The following DYDC1 variants were observed in gnomAD, a reference collection of about 807,000 sequenced individuals.
DYDC1 encodes DPY30 domain containing 1.
A neutral mutation model predicts 27.9 loss-of-function variants in DYDC1; 21 were observed. The observed-to-expected ratio is 0.75, with a 90% CI of 0.53 to 1.08. The LOEUF is 1.08. Ranked by LOEUF, DYDC1 falls within the 50% of genes least tolerant of loss-of-function variation. The pLI is 0.00. For missense variants in DYDC1, 202 were observed against 205.9 expected, an observed-to-expected ratio of 0.98 and a Z score of 0.12; for synonymous variants, 67 against 65.8, an observed-to-expected ratio of 1.02 and a Z score of -0.09.
intron 6 of DYDC1, chr10:80,337,532 CT>C (rs1842173974): frequency 1.5e-6 from 1 of 657,544 alleles, no homozygotes; most frequent in African/African-American, 2.0e-5. Flanking sequence ...AAATGTAGCT[CT>C]CATCATATGA....
intron 4 of DYDC1, among the ~76,000 whole-genome samples, chr10:80,339,766 C>T (rs1467526460): frequency 2.0e-5 from 3 of 152,156 alleles, no homozygotes; most frequent in Non-Finnish European, 4.4e-5. Flanking sequence ...TGAGCTGATT[C>T]GTTTTGGCTG....
At chr10:80,338,957 A>T (rs1052572386) in intron 5 of DYDC1, 140 bp downstream of exon 5, 11 of 493,200 alleles carry the variant, frequency 2.2e-5, no homozygotes, top group African/African-American at 1.8e-4. Context: ...GTGACTTGTT[A>T]TCACCGGAAA....
intron 1 of DYDC1, chr10:80,356,215 A>G: frequency 1.0e-6 from 1 of 978,180 alleles, no homozygotes; most frequent in Non-Finnish European, 1.2e-6. Flanking sequence ...GATAATACCC[A>G]TCTCTCCTGT....
At position 80,339,118 on chromosome 10, in the gene DYDC1, A is replaced by C. The variant is rs1292598170; in HGVS notation, c.378T>G (p.Asn126Lys). 7.2e-7 allele frequency: 1 copy of C among 1,390,466 alleles called. No homozygotes were observed. Among genetic ancestry groups the C allele is most frequent in the Non-Finnish European group, 9.7e-7 (1 of 1,030,694 alleles). The allele number at this position is 1,390,466 out of a possible 1,614,324, so 86.1% of individuals were successfully genotyped here. ...TCACCTCTGAATGTAGAATATCTTC[A>C]TTCCTAACTAGATTTTCCATATTCA... ...MRMNMENLVR[N>K]EDILHSEEAT... Residue 126 changes from asparagine to lysine, a missense_variant, in exon 5 of 7, where the codon AAT becomes AAG. Coordinates refer to ENST00000372202, the MANE Select transcript of DYDC1 (RefSeq NM_001269053.2).
rs547603776 is a variant in DYDC1 at position 80,356,262 on chromosome 10, A to G, written c.-10+450T>C. The G allele has an allele frequency of 6.1e-6, 6 of 985,514 alleles. No individual in the cohort carries two copies. The East Asian group carries it at 5.7e-4, about 93-fold the overall frequency. The allele number at this position is 985,514 out of a possible 1,614,324, so 61.0% of individuals were successfully genotyped here. ...TTATTTTTCACATACACCAATAGGC[A>G]TCTTGGCTCAACATAAGAAAGCCCT... On this transcript the variant is annotated intron_variant, in intron 1 of 6. Transcript: ENST00000372202.
chr10:80,346,042 C>T (rs1345701292), intron 3 of DYDC1, among the ~76,000 whole-genome samples: 2 of 152,102 alleles, frequency 1.3e-5, no homozygotes, highest in East Asian at 1.9e-4. Flanking sequence ...GAGATGAGGT[C>T]TCCCTATGTT....
chr10:80,342,313 GC>G lies in DYDC1; in HGVS notation c.297del (p.Arg99SerfsTer14), dbSNP rs751465796. 30 of 1,613,870 alleles carry G rather than the reference GC, an allele frequency of 1.9e-5. No individual in the cohort carries two copies. In the East Asian group the frequency reaches 4.9e-4, roughly 26 times the overall value. On this transcript the variant is annotated frameshift_variant, in exon 4 of 7. Coordinates refer to ENST00000372202, the MANE Select transcript of DYDC1 (RefSeq NM_001269053.2). LOFTEE classifies it high-confidence loss of function. ...QLELEMQEKE[R>X]QRIQELQRAQ... Reference sequence around the variant, plus strand: ...GCTCTCTGTAGTTCTTGTATTCTCTGCCTCTCCTTTTCTTGCATTTCCAACT... The same window carrying G: ...GCTCTCTGTAGTTCTTGTATTCTCTGCTCTCCTTTTCTTGCATTTCCAACT...
chr10:80,355,224 C>T (rs987347430), intron 1 of DYDC1, among the ~76,000 whole-genome samples: 1 of 151,844 alleles, frequency 6.6e-6, no homozygotes, highest in African/African-American at 2.4e-5. Flanking sequence ...TAAACTTGTC[C>T]CTGGACAAAT....
chr10:80,350,079 G>A (rs1025870095), intron 3 of DYDC1, among the ~76,000 whole-genome samples: 12 of 152,086 alleles, frequency 7.9e-5, no homozygotes, highest in Non-Finnish European at 1.5e-4. Flanking sequence ...ACTCTCTCAA[G>A]CCTTTCTCTG....
chr10:80,339,427 A>C (rs913992402), intron 4 of DYDC1, among the ~76,000 whole-genome samples: 1 of 152,228 alleles, frequency 6.6e-6, no homozygotes, highest in African/African-American at 2.4e-5. Flanking sequence ...ACTGAAGCCA[A>C]ATTATCTGCC....
intron 4 of DYDC1, among the ~76,000 whole-genome samples, chr10:80,340,151 C>T (rs976744263): frequency 7.9e-5 from 12 of 152,196 alleles, no homozygotes; most frequent in Non-Finnish European, 1.6e-4. Context: ...AACCAGGGAG[C>T]AGCAGAGGGG....
At chr10:80,338,659 T>C in intron 5 of DYDC1, 88 bp from the exon 6 acceptor site, 2 of 1,302,548 alleles carry the variant, frequency 1.5e-6, no homozygotes, top group Non-Finnish European at 2.0e-6. Context: ...AATTTTCTGA[T>C]TTATAACATT....
chr10:80,342,305 T>TATGCTCTGCCTCTCCTTTTCTTGC lies in DYDC1; in HGVS notation c.305_306insGCAAGAAAAGGAGAGGCAGAGCAT (p.Arg101_Ile102insMetGlnGluLysGluArgGlnSer), dbSNP rs781656806. ...GTTCTTGAGCTCTCTGTAGTTCTTG[T>TATGCTCTGCCTCTCCTTTTCTTGC]ATTCTCTGCCTCTCCTTTTCTTGCA... On this transcript the variant is annotated inframe_insertion, in exon 4 of 7. Coordinates refer to ENST00000372202, the MANE Select transcript of DYDC1 (RefSeq NM_001269053.2). The TATGCTCTGCCTCTCCTTTTCTTGC allele has an allele frequency of 5.3e-5, 86 of 1,613,892 alleles. No individual in the cohort carries two copies. Among genetic ancestry groups the TATGCTCTGCCTCTCCTTTTCTTGC allele is most frequent in the Non-Finnish European group, 5.4e-5 (64 of 1,180,014 alleles).
At chr10:80,354,486 CAA>C (rs1012219418) in intron 1 of DYDC1, 15 of 69,282 alleles carry the variant, frequency 2.2e-4, no homozygotes, top group Middle Eastern at 7.5e-3. Flanking sequence ...AACTTCGTCT[CAA>C]AAAAAAAAAA....
rs1012251335 is a variant in DYDC1 at position 80,352,003 on chromosome 10, C to G, written c.148-1G>C. The G allele has an allele frequency of 1.1e-5, 18 of 1,613,512 alleles. No individual in the cohort carries two copies. The highest frequency in any genetic ancestry group is 1.5e-5 in the Non-Finnish European group (18 of 1,179,868). The stretch of plus-strand genomic sequence containing the variant: ...CCAGCTTGGCCATTTCCTTTTGTCT[C>G]TAGCATTGTTTAAAAACAACAGCAC... On this transcript the variant is annotated splice_acceptor_variant, in intron 2 of 6. Coordinates refer to ENST00000372202, the MANE Select transcript of DYDC1 (RefSeq NM_001269053.2). LOFTEE classifies it high-confidence loss of function.
At chr10:80,339,063 T>C (rs767341570) in intron 5 of DYDC1, 34 bp downstream of exon 5, 3 of 1,236,394 alleles carry the variant, frequency 2.4e-6, no homozygotes, top group Non-Finnish European at 2.2e-6. Flanking sequence ...ACTCAATTCA[T>C]TTCACATAAC....
intron 1 of DYDC1, chr10:80,356,228 TA>T: frequency 8.1e-6 from 8 of 983,156 alleles, no homozygotes; most frequent in Non-Finnish European, 9.7e-6. Context: ...TCTCCTGTGG[TA>T]AGCAATGTTA....
Position 80,342,325 on chromosome 10 carries a change from C to G in DYDC1, c.286G>C (p.Glu96Gln). 6.2e-7 allele frequency: 1 copy of G among 1,613,848 alleles called. No individual in the cohort carries two copies. Among genetic ancestry groups the G allele is most frequent in the Non-Finnish European group, 8.5e-7 (1 of 1,179,964 alleles). ...LALQLELEMQ[E>Q]KERQRIQELQ... Reference sequence around the variant, plus strand: ...TCTTGTATTCTCTGCCTCTCCTTTTCTTGCATTTCCAACTCTAGCTGCAAT... The same window carrying G: ...TCTTGTATTCTCTGCCTCTCCTTTTGTTGCATTTCCAACTCTAGCTGCAAT... The change falls in exon 4 of 7, where the codon GAA (glutamate) becomes CAA (glutamine). Residue 96 changes from glutamate (E) to glutamine (Q), a missense_variant. Transcript: ENST00000372202.
At position 80,338,575 on chromosome 10, in the gene DYDC1, C is replaced by G; in HGVS notation, c.400-4G>C. Reference sequence around the variant, plus strand: ...TGCCTGAGTCTAGTGTTGCTTCCTACAATCAAAAAATTGATTTTTACTTTT... The same window carrying G: ...TGCCTGAGTCTAGTGTTGCTTCCTAGAATCAAAAAATTGATTTTTACTTTT... On this transcript the variant is annotated splice_polypyrimidine_tract_variant and splice_region_variant and intron_variant, in intron 5 of 6. Coordinates refer to ENST00000372202, the MANE Select transcript of DYDC1 (RefSeq NM_001269053.2). 6.5e-7 allele frequency: 1 copy of G among 1,531,620 alleles called. No homozygotes were observed. Among genetic ancestry groups the G allele is most frequent in the Non-Finnish European group, 8.7e-7 (1 of 1,145,164 alleles). The allele number at this position is 1,531,620 out of a possible 1,614,324, so 94.9% of individuals were successfully genotyped here.
Sources: allele counts gnomAD v4.1 joint callset (sites outside exome capture counted in the v4.1 genomes callset), GRCh38; gene constraint gnomAD v4.1.1; transcripts MANE v1.5; gene names NCBI Gene and HGNC (gene_info 2026-07-23, HGNC 2026-07-21).